MBD5: variants seen among roughly 807,000 people sequenced by gnomAD.
MBD5 encodes the protein methyl-CpG binding domain protein 5.
A neutral mutation model predicts 117.3 loss-of-function variants in MBD5; 13 were observed. The observed-to-expected ratio is 0.11, with a 90% CI of 0.07 to 0.18. MBD5 has a LOEUF of 0.18. Among genes scored for constraint, MBD5 ranks in the 10% least tolerant of loss-of-function variants. The pLI is 1.00. For missense variants in MBD5, 1,879 were observed against 2,093.8 expected (o/e 0.90, Z 2.00); for synonymous variants, 727 against 766.4 (o/e 0.95, Z 0.85).
At chr2:148,462,330 T>C (rs778998478) in intron 5 of MBD5, among the ~76,000 whole-genome samples, 13 of 152,186 alleles carry the variant, frequency 8.5e-5, no homozygotes, top group Non-Finnish European at 1.5e-5. Flanking sequence ...AGTCTACTCT[T>C]GGTTTTCAGA....
chr2:148,496,674 C>A (rs7603705), intron 11 of MBD5, among the ~76,000 whole-genome samples: 5,073 of 152,214 alleles, frequency 0.033, 301 homozygotes, highest in African/African-American at 0.11. Flanking sequence ...GATTGATATG[C>A]AAATTGTAGT....
At chr2:148,386,524 C>T (rs991637799) in intron 4 of MBD5, among the ~76,000 whole-genome samples, 2 of 151,454 alleles carry the variant, frequency 1.3e-5, no homozygotes, top group African/African-American at 4.9e-5. Flanking sequence ...CGAGACCATC[C>T]CGGCTAAAAC....
chr2:148,485,484 G>GA (rs1197509273), intron 9 of MBD5: 2 of 446,140 alleles, frequency 4.5e-6, no homozygotes, highest in Admixed American at 7.2e-5. Context: ...AATATATAAG[G>GA]ACTGCCTAAT....
intron 3 of MBD5, among the ~76,000 whole-genome samples, chr2:148,240,066 C>T (rs1313011687): frequency 6.6e-6 from 1 of 152,176 alleles, no homozygotes; most frequent in Non-Finnish European, 1.5e-5. Flanking sequence ...CACATATACA[C>T]CATGGAATCC....
chr2:148,270,820 C>T (rs1359899692), intron 3 of MBD5, among the ~76,000 whole-genome samples: 2 of 152,114 alleles, frequency 1.3e-5, no homozygotes, highest in African/African-American at 4.8e-5. Flanking sequence ...TGGCCCCCTC[C>T]TCACCTTTCA....
intron 1 of MBD5, among the ~76,000 whole-genome samples, chr2:148,076,102 T>C (rs1427438701): frequency 6.6e-6 from 1 of 152,160 alleles, no homozygotes; most frequent in Non-Finnish European, 1.5e-5. Flanking sequence ...AAAGAAAACA[T>C]ATCACAAAAA....
chr2:148,059,642 T>C (rs905849597), intron 1 of MBD5, among the ~76,000 whole-genome samples: 1 of 150,676 alleles, frequency 6.6e-6, no homozygotes, highest in African/African-American at 2.4e-5. Context: ...GGTCAGGAGA[T>C]CGAGACCATC....
At position 148,423,664 on chromosome 2, in the gene MBD5, A is replaced by G. The variant is rs557842616; in HGVS notation, c.-556-34539A>G. ...CAACTAATGGGCAAAATAACCAGCTAGCATCATAATGACAGGATCAGATTC... is the reference window on the plus strand; with the variant it reads ...CAACTAATGGGCAAAATAACCAGCTGGCATCATAATGACAGGATCAGATTC... On this transcript the variant is annotated intron_variant, in intron 4 of 13. Coordinates refer to ENST00000642680, the MANE Select transcript of MBD5 (RefSeq NM_001378120.1). 2.6e-5 allele frequency among the ~76,000 whole-genome samples: 4 copies of G among 152,310 alleles called. No homozygotes were observed. The South Asian group carries it at 8.3e-4, about 32-fold the overall frequency.
Position 148,463,876 on chromosome 2 carries a change from C to G in MBD5, c.354C>G (p.Ala118=), listed in dbSNP as rs1385280226. The G allele has an allele frequency of 6.2e-7, 1 of 1,613,424 alleles. No individual in the cohort carries two copies. The highest frequency in any genetic ancestry group is 1.3e-5 in the African/African-American group (1 of 74,856). Residue 118 remains alanine, a synonymous_variant, in exon 7 of 14, where the codon GCC becomes GCG. Coordinates refer to ENST00000642680, the MANE Select transcript of MBD5 (RefSeq NM_001378120.1). ...AVATLHKSME[A]PHPSLVLTSP... Reference sequence around the variant, plus strand: ...CCACACTTCATAAAAGCATGGAAGCCCCACATCCTTCTCTGGTGCTCACCA... The same window carrying G: ...CCACACTTCATAAAAGCATGGAAGCGCCACATCCTTCTCTGGTGCTCACCA...
chr2:148,450,043 A>C (rs1706681498), intron 4 of MBD5, among the ~76,000 whole-genome samples: 1 of 152,088 alleles, frequency 6.6e-6, no homozygotes, highest in Non-Finnish European at 1.5e-5. Context: ...TTATATGTAT[A>C]ATTTTATAGT....
At chr2:148,150,420 G>T (rs1452908753) in intron 1 of MBD5, among the ~76,000 whole-genome samples, 3 of 151,972 alleles carry the variant, frequency 2.0e-5, no homozygotes, top group African/African-American at 7.2e-5. Flanking sequence ...ACTTGGCGAT[G>T]CAGGCTCTTT....
chr2:148,197,811 T>TTG (rs1699032347), intron 2 of MBD5, among the ~76,000 whole-genome samples: 1 of 114,292 alleles, frequency 8.7e-6, no homozygotes, highest in African/African-American at 3.2e-5. Context: ...TTTTTGTTTT[T>TTG]TTTTTTGTTT....
chr2:148,141,681 T>A (rs1335256513), intron 1 of MBD5, among the ~76,000 whole-genome samples: 1 of 152,020 alleles, frequency 6.6e-6, no homozygotes. Context: ...TTGTCCCAGC[T>A]ACCCAAGAGG....
intron 4 of MBD5, among the ~76,000 whole-genome samples, chr2:148,375,343 C>T (rs779130865): frequency 5.3e-5 from 8 of 152,194 alleles, no homozygotes; most frequent in Non-Finnish European, 8.8e-5. Flanking sequence ...CAGACATCAG[C>T]AAGACAAGAG....
At chr2:148,081,805 A>G (rs1365498663) in intron 1 of MBD5, among the ~76,000 whole-genome samples, 4 of 152,216 alleles carry the variant, frequency 2.6e-5, no homozygotes, top group Non-Finnish European at 5.9e-5. Context: ...TATTCTACAT[A>G]GTACCTACTG....
chr2:148,252,332 C>T (rs948321633), intron 3 of MBD5, among the ~76,000 whole-genome samples: 6 of 151,998 alleles, frequency 3.9e-5, no homozygotes, highest in Non-Finnish European at 7.4e-5. Flanking sequence ...TGGTGGTGTG[C>T]ACCTGTAGTC....
chr2:148,440,844 T>C (rs987988980), intron 4 of MBD5, among the ~76,000 whole-genome samples: 1 of 152,184 alleles, frequency 6.6e-6, no homozygotes, highest in Non-Finnish European at 1.5e-5. Flanking sequence ...GGGAGAAGTT[T>C]TTTTTCTATG....
intron 8 of MBD5, among the ~76,000 whole-genome samples, chr2:148,482,750 A>G (rs2105067869): frequency 6.6e-6 from 1 of 152,322 alleles, no homozygotes; most frequent in African/African-American, 2.4e-5. Flanking sequence ...ACCCAATTGA[A>G]TGAAGAACGT....
chr2:148,512,776 C>G, intron 13 of MBD5, 94 bp from the exon 14 acceptor site: 1 of 1,129,090 alleles, frequency 8.9e-7, no homozygotes, highest in South Asian at 1.2e-5. Flanking sequence ...AAGCCAGAGT[C>G]TATTCCCTAC....
Sources: allele counts gnomAD v4.1 joint callset (sites outside exome capture counted in the v4.1 genomes callset), GRCh38; gene constraint gnomAD v4.1.1; transcripts MANE v1.5; gene names NCBI Gene and HGNC (gene_info 2026-07-23, HGNC 2026-07-21).